The following TRAF3IP1 variants were observed in gnomAD, a reference collection of about 807,000 sequenced individuals.
TRAF3IP1 encodes TRAF3-interacting protein 1.
A neutral mutation model predicts 89.9 loss-of-function variants in TRAF3IP1; 53 were observed. The observed-to-expected ratio is 0.59, with a 90% CI of 0.47 to 0.74. TRAF3IP1 has a LOEUF of 0.74. Among genes scored for constraint, TRAF3IP1 ranks in the 30% least tolerant of loss-of-function variants. The pLI is 0.00. For synonymous variants in TRAF3IP1, 311 were observed against 322.1 expected, an observed-to-expected ratio of 0.97 and a Z score of 0.37; for missense variants, 806 against 866.1, an observed-to-expected ratio of 0.93 and a Z score of 0.87.
In TRAF3IP1 at chr2:238,379,552, T is replaced by G. The variant is rs1366546539; in HGVS notation, c.1690-17907T>G. 1.3e-5 allele frequency among the ~76,000 whole-genome samples: 2 copies of G among 152,244 alleles called. No individual in the cohort carries two copies. Among genetic ancestry groups the G allele is most frequent in the African/African-American group, 2.4e-5 (1 of 41,464 alleles). On this transcript the variant is annotated intron_variant, in intron 15 of 16. Coordinates refer to ENST00000373327, the MANE Select transcript of TRAF3IP1 (RefSeq NM_015650.4). The surrounding 1 kb of genome is among the most constrained non-coding windows in gnomAD (Gnocchi z 4.0). ...GAATTTTCCTTTGCTCATCCAGTCCTTAGACTCACTTCTTCTATTCATAAT... is the reference window on the plus strand; with the variant it reads ...GAATTTTCCTTTGCTCATCCAGTCCGTAGACTCACTTCTTCTATTCATAAT...
At chr2:238,349,487 G>A in intron 12 of TRAF3IP1, 79 bp downstream of exon 12, 2 of 1,420,150 alleles carry the variant, frequency 1.4e-6, no homozygotes, top group Non-Finnish European at 2.0e-6. Flanking sequence ...AAGAGAAGGG[G>A]GAGGGAAGCA....
intron 7 of TRAF3IP1, among the ~76,000 whole-genome samples, chr2:238,337,920 AC>A (rs1307106111): frequency 1.4e-4 from 21 of 152,296 alleles, no homozygotes; most frequent in Admixed American, 2.0e-4. Flanking sequence ...AGCTGGAGAA[AC>A]CAAAGGGAAA....
chr2:238,395,416 A>C (rs1574981848), intron 15 of TRAF3IP1, among the ~76,000 whole-genome samples: 1 of 152,212 alleles, frequency 6.6e-6, no homozygotes, highest in African/African-American at 2.4e-5. Flanking sequence ...TTAGACCTAA[A>C]ACCATAAAAA....
chr2:238,376,071 T>A (rs1282909730), intron 15 of TRAF3IP1, among the ~76,000 whole-genome samples: 1 of 152,178 alleles, frequency 6.6e-6, no homozygotes, highest in Non-Finnish European at 1.5e-5. Context: ...GTAGTAAATA[T>A]TTTCAGCCAT....
intron 15 of TRAF3IP1, among the ~76,000 whole-genome samples, chr2:238,357,445 A>G (rs1051302576): frequency 6.6e-6 from 1 of 152,200 alleles, no homozygotes; most frequent in Non-Finnish European, 1.5e-5. Flanking sequence ...CCCCAGCTGA[A>G]TTAATGGTTG....
At chr2:238,346,505 C>G (rs749421316) in intron 9 of TRAF3IP1, among the ~76,000 whole-genome samples, 1 of 152,184 alleles carries the variant, frequency 6.6e-6, no homozygotes, top group Non-Finnish European at 1.5e-5. Flanking sequence ...CTCTCCCTGC[C>G]AGAGCCACCC....
intron 15 of TRAF3IP1, among the ~76,000 whole-genome samples, chr2:238,366,293 A>G (rs930894920): frequency 2.0e-5 from 3 of 152,244 alleles, no homozygotes; most frequent in Non-Finnish European, 4.4e-5. Context: ...AACATATGCC[A>G]TGGGTGTATT....
rs544872333 is a variant in TRAF3IP1, at chr2:238,343,305, C to T, written c.1160-1192C>T. Reference sequence around the variant, plus strand: ...TTCACCATGTTGGCCAGGATGGTCTCGCTCTCTTGAGCTCATGATCCACCG... The same window carrying T: ...TTCACCATGTTGGCCAGGATGGTCTTGCTCTCTTGAGCTCATGATCCACCG... On this transcript the variant is annotated intron_variant, in intron 8 of 16. Transcript: ENST00000373327. Among the ~76,000 whole-genome samples, 14 of 152,156 alleles carry T rather than the reference C, an allele frequency of 9.2e-5. No individual in the cohort carries two copies. The East Asian group carries it at 1.2e-3, about 13-fold the overall frequency.
intron 15 of TRAF3IP1, among the ~76,000 whole-genome samples, chr2:238,357,409 A>T (rs1559375455): frequency 6.6e-6 from 1 of 152,208 alleles, no homozygotes; most frequent in African/African-American, 2.4e-5. Flanking sequence ...ATACGTACAC[A>T]CACATGCACA....
chr2:238,338,736 C>G lies in TRAF3IP1; in HGVS notation c.1159+279C>G, dbSNP rs114845824. On this transcript the variant is annotated intron_variant, in intron 8 of 16. Transcript: ENST00000373327. ...CAAAATGCTTTCTTAATCTTGCTGT[C>G]GGGATCTCACAGTGGTGTGGCTGAT... Among the ~76,000 whole-genome samples the G allele has an allele frequency of 2.5e-3, 387 of 152,282 alleles. 3 individuals are homozygous for G. The highest frequency in any genetic ancestry group is 8.9e-3 in the African/African-American group (371 of 41,538).
chr2:238,348,258 A>C (rs1299675151), intron 10 of TRAF3IP1, among the ~76,000 whole-genome samples: 1 of 152,228 alleles, frequency 6.6e-6, no homozygotes, highest in Non-Finnish European at 1.5e-5. Context: ...CTTATAACTT[A>C]AATGAATATT....
chr2:238,381,862 C>T (rs975136765), intron 15 of TRAF3IP1, among the ~76,000 whole-genome samples: 10 of 151,688 alleles, frequency 6.6e-5, no homozygotes, highest in South Asian at 2.1e-4. Flanking sequence ...AATGATTAAG[C>T]GAAAAGCAAA....
At chr2:238,337,502 C>T (rs770389886) in intron 7 of TRAF3IP1, among the ~76,000 whole-genome samples, 2 of 152,172 alleles carry the variant, frequency 1.3e-5, no homozygotes, top group South Asian at 2.1e-4. Flanking sequence ...TAAGCAGCAC[C>T]GAGGCAAGAT....
Position 238,399,025 on chromosome 2 carries a change from T to A in TRAF3IP1, c.*106T>A. 9.9e-7 allele frequency: 1 copy of A among 1,013,130 alleles called. No homozygotes were observed. Among genetic ancestry groups the A allele is most frequent in the East Asian group, 2.6e-5 (1 of 38,422 alleles). The allele number at this position is 1,013,130 out of a possible 1,614,324, so 62.8% of individuals were successfully genotyped here. On this transcript the variant is annotated 3_prime_UTR_variant, in exon 17 of 17. Transcript: ENST00000373327. ...TCCAGTTTGCTAAGAAAATGAACAG[T>A]TTACAATGTTATTATCCAGCTAATT...
In TRAF3IP1 at chr2:238,384,307, C is replaced by G. The variant is rs141177397; in HGVS notation, c.1690-13152C>G. Reference sequence around the variant, plus strand: ...TTACACTTGTTTGCTAGTCTGGTTTCTCCTTTTCTAATCTGTCCAGAATCA... The same window carrying G: ...TTACACTTGTTTGCTAGTCTGGTTTGTCCTTTTCTAATCTGTCCAGAATCA... On this transcript the variant is annotated intron_variant, in intron 15 of 16. Transcript: ENST00000373327. Among the ~76,000 whole-genome samples the G allele has an allele frequency of 1.2e-3, 189 of 152,024 alleles. 5 individuals are homozygous for G. In the East Asian group the frequency reaches 0.033, roughly 27 times the overall value.
chr2:238,376,949 T>C (rs570047224), intron 15 of TRAF3IP1, among the ~76,000 whole-genome samples: 1 of 152,248 alleles, frequency 6.6e-6, no homozygotes, highest in South Asian at 2.1e-4. Context: ...ATTTTGAAAC[T>C]GGGGCATTTG....
At chr2:238,360,671 C>G (rs1464481382) in intron 15 of TRAF3IP1, among the ~76,000 whole-genome samples, 2 of 152,112 alleles carry the variant, frequency 1.3e-5, no homozygotes, top group East Asian at 3.9e-4. Context: ...ATCACGAGGT[C>G]AGGAGATTGA....
At chr2:238,374,742 C>T (rs1319391581) in intron 15 of TRAF3IP1, among the ~76,000 whole-genome samples, 2 of 152,132 alleles carry the variant, frequency 1.3e-5, no homozygotes, top group Non-Finnish European at 2.9e-5. Flanking sequence ...GAATTTGGCT[C>T]TGAATCCGTC....
intron 7 of TRAF3IP1, 60 bp downstream of exon 7, chr2:238,334,095 CT>C: frequency 1.1e-6 from 1 of 889,898 alleles, no homozygotes; most frequent in Non-Finnish European, 1.6e-6. Context: ...TTTTTTTTGT[CT>C]TAATCTCAAT....
Sources: gnomAD v4.1 joint callset for allele counts (sites outside exome capture counted in the v4.1 genomes callset) on GRCh38, gnomAD v4.1.1 for gene constraint, Gnocchi (gnomAD v3.1) non-coding constraint, MANE v1.5 for transcripts, NCBI Gene and HGNC (gene_info 2026-07-23, HGNC 2026-07-21) for gene names.